Variants in DHRS9 observed in about 807,000 individuals in gnomAD.
DHRS9 encodes the protein dehydrogenase/reductase 9, also known as dehydrogenase/reductase SDR family member 9.
A neutral mutation model predicts 26.6 loss-of-function variants in DHRS9; 18 were observed. That is an observed-to-expected ratio of 0.68 (90% confidence interval 0.47 to 1.00). DHRS9 has a LOEUF of 1.00. Among genes scored for constraint, DHRS9 ranks in the 50% least tolerant of loss-of-function variants. The pLI is 0.00. For synonymous variants in DHRS9, 134 were observed against 141.1 expected, an observed-to-expected ratio of 0.95 and a Z score of 0.36; for missense variants, 425 against 378.7, an observed-to-expected ratio of 1.12 and a Z score of -1.01.
chr2:169,067,107 G>A, upstream of DHRS9: 1 of 1,533,836 alleles, frequency 6.5e-7, no homozygotes, highest in Non-Finnish European at 8.7e-7. Flanking sequence ...AGAGAAACAT[G>A]TTCCACTGAG....
At chr2:169,073,362 T>C (rs1683865750) in intron 1 of DHRS9, among the ~76,000 whole-genome samples, 1 of 152,234 alleles carries the variant, frequency 6.6e-6, no homozygotes, top group South Asian at 2.1e-4. Context: ...TCGTAAGGTG[T>C]AAATAAGATA....
chr2:169,086,348 CGTT>C (rs1426540050), intron 3 of DHRS9, among the ~76,000 whole-genome samples: 7 of 152,198 alleles, frequency 4.6e-5, no homozygotes, highest in African/African-American at 1.7e-4. Flanking sequence ...TTATTTGTCT[CGTT>C]GTCAAATTTA....
intron 3 of DHRS9, among the ~76,000 whole-genome samples, chr2:169,088,296 CA>C (rs1355474074): frequency 1.3e-5 from 2 of 152,200 alleles, no homozygotes; most frequent in African/African-American, 4.8e-5. Context: ...CAAAGTCCCA[CA>C]ATCACTGTGC....
chr2:169,081,623 T>G lies in DHRS9; in HGVS notation c.42T>G (p.Phe14Leu). Residue 14 changes from phenylalanine to leucine, a missense_variant, in exon 2 of 5, where the codon TTT becomes TTG. By Grantham distance (22) the Phe-to-Leu change is conservative. Coordinates refer to ENST00000674881, the MANE Select transcript of DHRS9 (RefSeq NM_001376924.1). The part of the protein sequence containing the change: ...WVLGLLILCG[F>L]LWTRKGKLKI... Reference sequence around the variant, plus strand: ...TAGGCCTCCTAATCCTCTGTGGTTTTCTGTGGACTCGTAAAGGAAAACTAA... The same window carrying G: ...TAGGCCTCCTAATCCTCTGTGGTTTGCTGTGGACTCGTAAAGGAAAACTAA... 6.2e-7 allele frequency: 1 copy of G among 1,614,182 alleles called. No homozygotes were observed. Among genetic ancestry groups the G allele is most frequent in the South Asian group, 1.1e-5 (1 of 91,082 alleles).
At chr2:169,087,970 C>T (rs932599148) in intron 3 of DHRS9, among the ~76,000 whole-genome samples, 1 of 152,124 alleles carries the variant, frequency 6.6e-6, no homozygotes, top group African/African-American at 2.4e-5. Flanking sequence ...GGAGGGGTAG[C>T]ACAAGCACTC....
At chr2:169,086,291 G>A (rs1411605187) in intron 3 of DHRS9, among the ~76,000 whole-genome samples, 4 of 151,690 alleles carry the variant, frequency 2.6e-5, no homozygotes, top group African/African-American at 9.7e-5. Flanking sequence ...TCTTTATTAT[G>A]TGAATTGCAT....
At chr2:169,088,200 T>C (rs148261743) in intron 3 of DHRS9, among the ~76,000 whole-genome samples, 2 of 152,324 alleles carry the variant, frequency 1.3e-5, no homozygotes, top group African/African-American at 4.8e-5. Flanking sequence ...CGGCTAGGGC[T>C]GGTTTGAATG....
chr2:169,068,593 G>A (rs188733884), upstream of DHRS9, among the ~76,000 whole-genome samples: 587 of 152,098 alleles, frequency 3.9e-3, 6 homozygotes, highest in Middle Eastern at 0.014. Context: ...CCCAAAGTGG[G>A]TTTGTTGTTC....
chr2:169,078,815 C>CTTTTTTTT lies in DHRS9; in HGVS notation c.-59-2689_-59-2682dup, dbSNP rs200691133. Among the ~76,000 whole-genome samples the CTTTTTTTT allele has an allele frequency of 2.4e-3, 267 of 110,310 alleles. 23 individuals are homozygous for CTTTTTTTT. Among genetic ancestry groups the CTTTTTTTT allele is most frequent in the African/African-American group, 9.2e-3 (245 of 26,620 alleles). The allele number at this position is 110,310 out of a possible 152,430, so 72.4% of individuals were successfully genotyped here. A position where few individuals can be genotyped will look rare whatever the true frequency, so the allele number is the denominator to read the frequency against. On this transcript the variant is annotated intron_variant, in intron 1 of 4. Transcript: ENST00000674881. ...CTCTGACTTAATTTTTATCAACTGACTTTTTTTTTTTTTTTTTTTTTTTTT... is the reference window on the plus strand; with the variant it reads ...CTCTGACTTAATTTTTATCAACTGACTTTTTTTTTTTTTTTTTTTTTTTTTTTTTTTTT...
intron 1 of DHRS9, chr2:169,070,726 A>T: frequency 1.0e-6 from 1 of 985,414 alleles, no homozygotes. Context: ...AACTGGTGTT[A>T]AAACTCTTAT....
intron 1 of DHRS9, among the ~76,000 whole-genome samples, chr2:169,071,275 A>C (rs574039084): frequency 6.0e-4 from 92 of 152,330 alleles, no homozygotes; most frequent in African/African-American, 2.1e-3. Context: ...AGTGACCATA[A>C]ATAAAGTAAT....
chr2:169,084,506 T>C (rs1016531221), intron 3 of DHRS9, among the ~76,000 whole-genome samples: 3 of 152,198 alleles, frequency 2.0e-5, no homozygotes, highest in Non-Finnish European at 4.4e-5. Flanking sequence ...CATTTGTTAT[T>C]GCCTGTCTTT....
intron 3 of DHRS9, among the ~76,000 whole-genome samples, chr2:169,085,914 A>T (rs1417865378): frequency 3.9e-5 from 6 of 152,162 alleles, no homozygotes; most frequent in Non-Finnish European, 8.8e-5. Context: ...GCTGCTTTTA[A>T]GATCCTTTCT....
chr2:169,088,995 C>T (rs1684437378), intron 3 of DHRS9, among the ~76,000 whole-genome samples: 1 of 152,178 alleles, frequency 6.6e-6, no homozygotes, highest in Non-Finnish European at 1.5e-5. Context: ...CTTAATCCAT[C>T]TTACCTGGAA....
At chr2:169,083,965 T>C (rs1684275036) in intron 3 of DHRS9, among the ~76,000 whole-genome samples, 1 of 152,142 alleles carries the variant, frequency 6.6e-6, no homozygotes, top group Non-Finnish European at 1.5e-5. Context: ...TATATTTCTG[T>C]ACCCCCTAAC....
intron 1 of DHRS9, among the ~76,000 whole-genome samples, chr2:169,075,003 A>G (rs1443643827): frequency 6.6e-6 from 1 of 152,186 alleles, no homozygotes; most frequent in African/African-American, 2.4e-5. Flanking sequence ...CAGAATGGAC[A>G]AGGAGTAAAG....
chr2:169,087,549 G>A (rs1052536085), intron 3 of DHRS9, among the ~76,000 whole-genome samples: 6 of 152,072 alleles, frequency 3.9e-5, no homozygotes, highest in African/African-American at 1.4e-4. Flanking sequence ...CTTTTCTGAA[G>A]CACAAGGAGT....
At chr2:169,068,363 T>C (rs1486998038), upstream of DHRS9, among the ~76,000 whole-genome samples, 1 of 152,238 alleles carries the variant, frequency 6.6e-6, no homozygotes, top group East Asian at 1.9e-4. Context: ...AGTCTCACGC[T>C]GTTACCCAGG....
At chr2:169,079,873 GAAAGAAAGAA>G (rs1558951324) in intron 1 of DHRS9, among the ~76,000 whole-genome samples, 20 of 74,682 alleles carry the variant, frequency 2.7e-4, no homozygotes, top group African/African-American at 1.5e-3. Context: ...AAGAAAGAAA[GAAAGAAAGAA>G]AGAGAGAGAG....
Sources: gnomAD v4.1 joint callset for allele counts (sites outside exome capture counted in the v4.1 genomes callset) on GRCh38, gnomAD v4.1.1 for gene constraint, MANE v1.5 for transcripts, NCBI Gene and HGNC (gene_info 2026-07-23, HGNC 2026-07-21) for gene names.